The following NALCN variants were observed in gnomAD, a reference collection of about 807,000 sequenced individuals.
NALCN encodes the protein sodium leak channel NALCN.
Under a neutral mutation model 225.3 loss-of-function variants are expected in NALCN, and 111 were observed. That is an observed-to-expected ratio of 0.49 (90% CI 0.42 to 0.58). The LOEUF (loss-of-function observed/expected upper bound fraction) is 0.58. Among genes scored for constraint, NALCN ranks in the 20% least tolerant of loss-of-function variants. NALCN has a pLI of 0.00. For synonymous variants in NALCN, 764 were observed against 769.0 expected (o/e 0.99, Z 0.11); for missense variants, 1,378 against 2,202.4 (o/e 0.63, Z 7.49).
intron 33 of NALCN, 135 bp from the exon 34 acceptor site, chr13:101,081,781 T>C: frequency 8.7e-7 from 1 of 1,152,250 alleles, no homozygotes; most frequent in Non-Finnish European, 1.2e-6. Flanking sequence ...GTGGACACAG[T>C]ATCTTTTCCA....
chr13:101,416,770 C>CG (rs1249032731), upstream of NALCN, among the ~76,000 whole-genome samples: 1 of 151,510 alleles, frequency 6.6e-6, no homozygotes, highest in Admixed American at 6.6e-5. Flanking sequence ...GAGCTCCTCT[C>CG]GGGGGTCTTT....
chr13:101,190,104 T>C (rs922040671), intron 14 of NALCN, among the ~76,000 whole-genome samples: 1 of 152,248 alleles, frequency 6.6e-6, no homozygotes, highest in Non-Finnish European at 1.5e-5. Flanking sequence ...GGCTAGTTTT[T>C]TCTTCCAGCT....
Position 101,089,726 on chromosome 13 carries a change from C to G in NALCN, c.3426G>C (p.Leu1142=). 1.9e-6 allele frequency: 3 copies of G among 1,614,018 alleles called. No homozygotes were observed. The African/African-American group carries it at 4.0e-5, about 22-fold the overall frequency. The change falls in exon 30 of 44, where the codon CTG becomes CTC. Residue 1142 remains leucine (L), a synonymous_variant. Transcript: ENST00000251127. The surrounding 1 kb of genome is among the most constrained non-coding windows in gnomAD (Gnocchi z 4.7). The part of the protein sequence containing the change: ...HGIYIHVFVF[L]GCMIGLTLFV... ...AAAGGGTCAGTCCAATCATGCAACC[C>G]AGGAATACAAAAACATGAATATAGA...
intron 32 of NALCN, 26 bp from the exon 33 acceptor site, chr13:101,082,909 G>T (rs371270697): frequency 6.2e-7 from 1 of 1,613,092 alleles, no homozygotes; most frequent in Non-Finnish European, 8.5e-7. Context: ...CACACGAGTC[G>T]TTGCCCACGT....
At chr13:101,323,492 C>CTATA (rs1288201214) in intron 7 of NALCN, among the ~76,000 whole-genome samples, 1 of 152,228 alleles carries the variant, frequency 6.6e-6, no homozygotes, top group Non-Finnish European at 1.5e-5. Flanking sequence ...AGGTCCCCTG[C>CTATA]TATAATTCCA....
chr13:101,416,138 C>G lies in NALCN; in HGVS notation c.-40+175G>C, dbSNP rs1342573794. On this transcript the variant is annotated intron_variant, in intron 1 of 43. Transcript: ENST00000251127. ...GAGGCGCCCCTCCCCACCCCTCCCC[C>G]GCGCGGGGCCCCCGCCCGCAGCCCC... Among the ~76,000 whole-genome samples, 235 of 151,770 alleles carry G rather than the reference C, an allele frequency of 1.5e-3. 1 individual carries two copies. Among genetic ancestry groups the G allele is most frequent in the African/African-American group, 5.5e-3 (230 of 41,470 alleles).
intron 15 of NALCN, 117 bp from the exon 16 acceptor site, chr13:101,145,013 G>A: frequency 8.9e-7 from 1 of 1,121,344 alleles, no homozygotes; most frequent in Non-Finnish European, 1.2e-6. Flanking sequence ...GCCAGTAGAT[G>A]GCAGCAAAGG....
At chr13:101,322,798 T>C (rs562924) in intron 7 of NALCN, among the ~76,000 whole-genome samples, 115,005 of 151,966 alleles carry the variant, frequency 0.76, 43,830 homozygotes, top group Non-Finnish European at 0.82. Flanking sequence ...CTGCAACCTC[T>C]GCCTCCCGGG....
At chr13:101,384,257 G>A (rs549880348) in intron 3 of NALCN, among the ~76,000 whole-genome samples, 2 of 152,196 alleles carry the variant, frequency 1.3e-5, no homozygotes, top group East Asian at 1.9e-4. Flanking sequence ...GTTTTAATTT[G>A]TTTGTTCCAT....
At chr13:101,397,462 C>T (rs2047343576) in intron 2 of NALCN, among the ~76,000 whole-genome samples, 1 of 150,312 alleles carries the variant, frequency 6.7e-6, no homozygotes, top group Non-Finnish European at 1.5e-5. Flanking sequence ...AATATATGTA[C>T]ACATTATACA....
chr13:101,232,365 A>G (rs2140140761), intron 12 of NALCN, among the ~76,000 whole-genome samples: 1 of 152,248 alleles, frequency 6.6e-6, no homozygotes, highest in East Asian at 1.9e-4. Flanking sequence ...ATTTTTAAAC[A>G]TATGTAAGAA....
intron 27 of NALCN, among the ~76,000 whole-genome samples, chr13:101,100,349 C>T (rs1320326113): frequency 2.0e-5 from 3 of 152,296 alleles, no homozygotes; most frequent in East Asian, 1.9e-4. Flanking sequence ...TGGGTGACCA[C>T]ACTCAAGTTG....
At chr13:101,244,901 T>C (rs2041848353) in intron 11 of NALCN, among the ~76,000 whole-genome samples, 1 of 152,154 alleles carries the variant, frequency 6.6e-6, no homozygotes. Context: ...GAACTCAACC[T>C]TGATGGTAGC....
intron 1 of NALCN, among the ~76,000 whole-genome samples, chr13:101,406,209 C>G (rs1449451163): frequency 6.6e-6 from 1 of 151,578 alleles, no homozygotes; most frequent in Non-Finnish European, 1.5e-5. Flanking sequence ...ACCTGTAGTC[C>G]CAGCTACTCA....
intron 6 of NALCN, among the ~76,000 whole-genome samples, chr13:101,372,769 C>T (rs1375460195): frequency 2.6e-5 from 4 of 151,810 alleles, no homozygotes; most frequent in African/African-American, 9.7e-5. Flanking sequence ...TGTCTATATA[C>T]CTTCATTTTA....
chr13:101,101,249 C>A (rs2034796349), intron 26 of NALCN, among the ~76,000 whole-genome samples: 1 of 149,370 alleles, frequency 6.7e-6, no homozygotes, highest in Non-Finnish European at 1.5e-5. Context: ...CTATTTTTTC[C>A]CAAATGGACA....
intron 11 of NALCN, among the ~76,000 whole-genome samples, chr13:101,249,813 C>T (rs915759708): frequency 2.0e-5 from 3 of 151,938 alleles, no homozygotes; most frequent in East Asian, 1.9e-4. Context: ...CATAAGCATT[C>T]GTATCAAAAT....
intron 11 of NALCN, among the ~76,000 whole-genome samples, chr13:101,245,980 G>T (rs543035132): frequency 1.3e-5 from 2 of 152,244 alleles, no homozygotes; most frequent in African/African-American, 2.4e-5. Flanking sequence ...AAACCTCTAG[G>T]GGGTATTTGG....
In NALCN at chr13:101,355,054, C is replaced by T. The variant is rs2046011988; in HGVS notation, c.645-9634G>A. Among the ~76,000 whole-genome samples the T allele has an allele frequency of 3.3e-5, 5 of 151,690 alleles. No individual in the cohort carries two copies. The South Asian group carries it at 1.0e-3, about 31-fold the overall frequency. The stretch of plus-strand genomic sequence containing the variant: ...GATCTGGTCATTTACAAGTGTAGGG[C>T]ACCTCCCCTCCACTATCTCTCTCTC... On this transcript the variant is annotated intron_variant, in intron 6 of 43. Transcript: ENST00000251127.
Sources: allele counts gnomAD v4.1 joint callset (sites outside exome capture counted in the v4.1 genomes callset), GRCh38; gene constraint gnomAD v4.1.1; non-coding constraint Gnocchi (gnomAD v3.1); transcripts MANE v1.5; gene names NCBI Gene and HGNC (gene_info 2026-07-23, HGNC 2026-07-21).